FGD6: variants seen among roughly 807,000 people sequenced by gnomAD.
FGD6 encodes FYVE, RhoGEF and PH domain containing 6, also known as FYVE, RhoGEF and PH domain-containing protein 6.
A neutral mutation model predicts 149.4 loss-of-function variants in FGD6; 90 were observed. The observed-to-expected ratio is 0.60, with a 90% CI of 0.51 to 0.72. The LOEUF (loss-of-function observed/expected upper bound fraction) is 0.72, where lower values mean the gene tolerates loss of function less well. FGD6 is among the 30% of genes least tolerant of loss of function. The pLI, the probability that FGD6 is intolerant of heterozygous loss-of-function variation, is 0.00. For synonymous variants in FGD6, 527 were observed against 584.0 expected, an observed-to-expected ratio of 0.90 and a Z score of 1.41; for missense variants, 1,437 against 1,684.8, an observed-to-expected ratio of 0.85 and a Z score of 2.57.
chr12:95,119,522 A>G (rs1879121715), intron 8 of FGD6, among the ~76,000 whole-genome samples: 1 of 152,228 alleles, frequency 6.6e-6, no homozygotes, highest in East Asian at 1.9e-4. Flanking sequence ...TAGGATGGCA[A>G]TACAACCTTA....
intron 3 of FGD6, among the ~76,000 whole-genome samples, chr12:95,164,297 A>C (rs1453191048): frequency 6.8e-6 from 1 of 146,224 alleles, no homozygotes; most frequent in Admixed American, 7.0e-5. Context: ...GCTGGAGTGC[A>C]GTGGCACGAT....
chr12:95,172,333 G>A (rs768132006), intron 3 of FGD6, among the ~76,000 whole-genome samples: 1 of 152,152 alleles, frequency 6.6e-6, no homozygotes, highest in Non-Finnish European at 1.5e-5. Flanking sequence ...CTGAGATGGC[G>A]CCATTGCACT....
At chr12:95,085,502 G>C (rs1267557251) in intron 19 of FGD6, 2 of 424,350 alleles carry the variant, frequency 4.7e-6, no homozygotes, top group African/African-American at 4.1e-5. Context: ...GTGCACCTGG[G>C]GGCAGCTCTG....
chr12:95,103,954 A>G (rs555293353), intron 14 of FGD6, among the ~76,000 whole-genome samples: 1 of 152,324 alleles, frequency 6.6e-6, no homozygotes, highest in African/African-American at 2.4e-5. Context: ...TTAGAAGGAG[A>G]TTACACCTAC....
intron 2 of FGD6, among the ~76,000 whole-genome samples, chr12:95,174,806 T>C (rs973550963): frequency 4.0e-5 from 6 of 151,166 alleles, no homozygotes; most frequent in African/African-American, 1.5e-4. Flanking sequence ...AGGGCGCCTG[T>C]AGTCCCAGCT....
chr12:95,166,950 G>A (rs576953246), intron 3 of FGD6, among the ~76,000 whole-genome samples: 4 of 150,258 alleles, frequency 2.7e-5, no homozygotes, highest in East Asian at 2.0e-4. Flanking sequence ...TCTACCTCCC[G>A]GGTTCAAGCA....
In FGD6 at chr12:95,109,700, A is replaced by T. The variant is rs367810852; in HGVS notation, c.3134-1139T>A. 3.9e-5 allele frequency among the ~76,000 whole-genome samples: 6 copies of T among 152,162 alleles called. No homozygotes were observed. The South Asian group carries it at 6.2e-4, about 16-fold the overall frequency. On this transcript the variant is annotated intron_variant, in intron 9 of 20. Transcript: ENST00000343958. ...CAATAAGGTAAAACCTTGTTTCCAC[A>T]AAAAATCCAAAAATTAGCTGGGTGT...
At position 95,210,805 on chromosome 12, in the gene FGD6, T is replaced by C. The variant is rs1318036784; in HGVS notation, c.479A>G (p.Asp160Gly). The stretch of plus-strand genomic sequence containing the variant: ...GTTCTTGGCTTTTTCACCATACAAA[T>C]CACATTTACTCCTAGTTTTTATAGT... ...TLTIKTRSKC[D>G]LYGEKAKNQG... is the part of the protein sequence containing the mutation. The change falls in exon 2 of 21, where the codon GAT becomes GGT. Residue 160 changes from aspartate (D) to glycine (G), a missense_variant. Coordinates refer to ENST00000343958, the MANE Select transcript of FGD6 (RefSeq NM_018351.4). 2 of 1,613,762 alleles carry C rather than the reference T, an allele frequency of 1.2e-6. No homozygotes were observed. Among genetic ancestry groups the C allele is most frequent in the African/African-American group, 2.7e-5 (2 of 74,892 alleles).
intron 2 of FGD6, among the ~76,000 whole-genome samples, chr12:95,205,604 T>C (rs1271044151): frequency 1.3e-5 from 2 of 152,242 alleles, no homozygotes; most frequent in African/African-American, 4.8e-5. Flanking sequence ...GTCTGTATTT[T>C]CAACAGCGAG....
chr12:95,172,041 G>GGGGGA (rs1555221400), intron 3 of FGD6, among the ~76,000 whole-genome samples: 13,340 of 138,194 alleles, frequency 0.097, 851 homozygotes, highest in East Asian at 0.27. Context: ...TCTAAGGGGG[G>GGGGGA]GGGGGTTGTT....
chr12:95,084,491 T>C lies in FGD6; in HGVS notation c.4256+7A>G. The C allele has an allele frequency of 6.5e-7, 1 of 1,528,650 alleles. No individual in the cohort carries two copies. Among genetic ancestry groups the C allele is most frequent in the Non-Finnish European group, 8.7e-7 (1 of 1,145,572 alleles). The allele number at this position is 1,528,650 out of a possible 1,614,324, so 94.7% of individuals were successfully genotyped here. On this transcript the variant is annotated splice_region_variant and intron_variant, in intron 20 of 20. Transcript: ENST00000343958. ...GAATAAAAGAAAAATATGGCCAGAT[T>C]ACTTACTTCTGAGCCGAATGAGCAT...
At chr12:95,205,424 G>GTAT (rs1327179779) in intron 2 of FGD6, among the ~76,000 whole-genome samples, 1 of 152,036 alleles carries the variant, frequency 6.6e-6, no homozygotes, top group Non-Finnish European at 1.5e-5. Flanking sequence ...ACATGATTCA[G>GTAT]TGAATTAGAG....
chr12:95,111,455 G>A (rs191610884), intron 9 of FGD6, among the ~76,000 whole-genome samples: 69 of 152,238 alleles, frequency 4.5e-4, no homozygotes, highest in African/African-American at 1.6e-3. Context: ...TTTCATTGAA[G>A]GCAGAAGCCC....
At chr12:95,126,848 A>G (rs1218030037) in intron 8 of FGD6, among the ~76,000 whole-genome samples, 6 of 152,130 alleles carry the variant, frequency 3.9e-5, no homozygotes, top group Non-Finnish European at 8.8e-5. Context: ...GAATTGCTTG[A>G]ACCCAGGAGT....
intron 8 of FGD6, among the ~76,000 whole-genome samples, chr12:95,117,875 C>A (rs1879066572): frequency 6.6e-6 from 1 of 152,060 alleles, no homozygotes; most frequent in Non-Finnish European, 1.5e-5. Flanking sequence ...AACCCTGTCT[C>A]TACTAAGAAT....
At chr12:95,216,328 A>C (rs2056778526) in intron 1 of FGD6, among the ~76,000 whole-genome samples, 1 of 152,238 alleles carries the variant, frequency 6.6e-6, no homozygotes, top group South Asian at 2.1e-4. Flanking sequence ...GAAGCTTTAA[A>C]CTATTTCACT....
chr12:95,099,497 C>G (rs1878351992), intron 14 of FGD6, among the ~76,000 whole-genome samples: 1 of 152,148 alleles, frequency 6.6e-6, no homozygotes, highest in Non-Finnish European at 1.5e-5. Context: ...TGCCTTAGCT[C>G]TCTTTCCCTC....
chr12:95,176,192 C>A (rs1476159266), intron 2 of FGD6, among the ~76,000 whole-genome samples: 2 of 152,168 alleles, frequency 1.3e-5, no homozygotes, highest in Non-Finnish European at 2.9e-5. Context: ...CCACCTCAGT[C>A]TTGCCAAAGT....
chr12:95,216,974 T>C (rs1384943887), intron 1 of FGD6, among the ~76,000 whole-genome samples: 3 of 152,226 alleles, frequency 2.0e-5, no homozygotes, highest in Non-Finnish European at 2.9e-5. Flanking sequence ...TTTCACCTGG[T>C]GCAGAGCCCC....
Sources: allele counts gnomAD v4.1 joint callset (sites outside exome capture counted in the v4.1 genomes callset), GRCh38; gene constraint gnomAD v4.1.1; transcripts MANE v1.5; gene names NCBI Gene and HGNC (gene_info 2026-07-23, HGNC 2026-07-21).